Variants in CCDC6 observed in about 807,000 individuals in gnomAD.
CCDC6 encodes coiled-coil domain-containing protein 6.
Under a neutral mutation model 56.6 loss-of-function variants are expected in CCDC6, and 20 were observed. The observed-to-expected ratio is 0.35, with a 90% CI of 0.25 to 0.51. CCDC6 has a LOEUF of 0.51. Among genes scored for constraint, CCDC6 ranks in the 20% least tolerant of loss-of-function variants. The pLI is 0.95. For missense variants in CCDC6, 367 were observed against 601.1 expected, an observed-to-expected ratio of 0.61 and a Z score of 4.07; for synonymous variants, 241 against 234.4, an observed-to-expected ratio of 1.03 and a Z score of -0.26.
chr10:59,863,326 T>G (rs539126666), intron 1 of CCDC6, among the ~76,000 whole-genome samples: 1 of 152,352 alleles, frequency 6.6e-6, no homozygotes, highest in African/African-American at 2.4e-5. Context: ...TTGAATAAAA[T>G]ATTACATAAT....
chr10:59,885,435 C>A (rs2071374709), intron 1 of CCDC6, among the ~76,000 whole-genome samples: 1 of 152,140 alleles, frequency 6.6e-6, no homozygotes, highest in South Asian at 2.1e-4. Context: ...ATTTAAAAAC[C>A]TACTCCTAAT....
chr10:59,845,345 G>GT (rs1836105228), intron 2 of CCDC6, among the ~76,000 whole-genome samples: 1 of 125,376 alleles, frequency 8.0e-6, no homozygotes, highest in Non-Finnish European at 1.6e-5. Flanking sequence ...TGCCCCTATG[G>GT]GTTTTTTTTT....
intron 1 of CCDC6, among the ~76,000 whole-genome samples, chr10:59,879,680 C>A (rs1270208546): frequency 1.3e-5 from 2 of 152,152 alleles, no homozygotes; most frequent in African/African-American, 2.4e-5. Context: ...TACTGAGATA[C>A]CCAATCACAG....
At position 59,855,642 on chromosome 10, in the gene CCDC6, G is replaced by T. The variant is rs550677561; in HGVS notation, c.304-2940C>A. Among the ~76,000 whole-genome samples, 40 of 152,210 alleles carry T rather than the reference G, an allele frequency of 2.6e-4. No homozygotes were observed. In the South Asian group the frequency reaches 8.3e-3, roughly 32 times the overall value. On this transcript the variant is annotated intron_variant, in intron 1 of 8. Transcript: ENST00000263102. ...TGGGAATGACTGCTCATGGCTACAC[G>T]GATTCTTTTTGGGGTGATGAAAATG...
intron 3 of CCDC6, among the ~76,000 whole-genome samples, chr10:59,815,564 G>A (rs1183908185): frequency 6.6e-6 from 1 of 152,194 alleles, no homozygotes; most frequent in African/African-American, 2.4e-5. Flanking sequence ...TTGTGAAACA[G>A]TATGAAACAG....
In CCDC6 at chr10:59,845,346, G is replaced by GTTTTTTTT. The variant is rs151236986; in HGVS notation, c.453+7199_453+7206dup. Among the ~76,000 whole-genome samples the GTTTTTTTT allele has an allele frequency of 3.1e-5, 3 of 96,956 alleles. 1 individual carries two copies. Among genetic ancestry groups the GTTTTTTTT allele is most frequent in the East Asian group, 3.3e-4 (1 of 3,062 alleles). 63.6% of individuals were successfully genotyped at this position (96,956 alleles called of 152,430 possible). A position where few individuals can be genotyped will look rare whatever the true frequency, so the allele number is the denominator to read the frequency against. On this transcript the variant is annotated intron_variant, in intron 2 of 8. Transcript: ENST00000263102. ...TGAGCCCTTACTTTTGCCCCTATGG[G>GTTTTTTTT]TTTTTTTTTTTTTTTTTTTTTTTGG...
rs2070470987 is a variant in CCDC6, at chr10:59,791,896, C to CTTA, written c.*1018_*1020dup. 4.5e-6 allele frequency: 1 copy of CTTA among 219,792 alleles called. No homozygotes were observed. Among genetic ancestry groups the CTTA allele is most frequent in the Non-Finnish European group, 9.1e-6 (1 of 109,424 alleles). 13.6% of individuals were successfully genotyped at this position (219,792 alleles called of 1,614,324 possible). ...GCTAATGTGCTACTTTCCTTTAGAC[C>CTTA]TTATTTTCTTTTCTGCCAAGCAATA... On this transcript the variant is annotated 3_prime_UTR_variant, in exon 9 of 9. Coordinates refer to ENST00000263102, the MANE Select transcript of CCDC6 (RefSeq NM_005436.5).
intron 2 of CCDC6, among the ~76,000 whole-genome samples, chr10:59,839,073 G>T (rs2070913427): frequency 6.6e-6 from 1 of 152,122 alleles, no homozygotes; most frequent in Admixed American, 6.5e-5. Context: ...TTATATACAC[G>T]AACACACTTG....
At chr10:59,818,885 C>T (rs547590524) in intron 3 of CCDC6, among the ~76,000 whole-genome samples, 33 of 152,278 alleles carry the variant, frequency 2.2e-4, no homozygotes, top group Admixed American at 2.0e-3. Flanking sequence ...TTCAGCAAGC[C>T]GCTGTAATTG....
intron 2 of CCDC6, among the ~76,000 whole-genome samples, chr10:59,836,487 A>C (rs2070883933): frequency 6.6e-6 from 1 of 152,226 alleles, no homozygotes; most frequent in African/African-American, 2.4e-5. Flanking sequence ...GTACTGTTAC[A>C]TGAACAATTT....
intron 2 of CCDC6, among the ~76,000 whole-genome samples, chr10:59,850,492 C>T (rs1564748407): frequency 6.6e-6 from 1 of 152,148 alleles, no homozygotes; most frequent in Admixed American, 6.5e-5. Flanking sequence ...TAGAGAACCC[C>T]AATGTTTTCA....
intron 1 of CCDC6, among the ~76,000 whole-genome samples, chr10:59,890,780 G>A (rs1385527525): frequency 1.3e-5 from 2 of 151,432 alleles, no homozygotes; most frequent in East Asian, 3.9e-4. Context: ...TGTGCACAAC[G>A]TGCAGGTTTG....
chr10:59,871,317 A>G (rs1231113939), intron 1 of CCDC6, among the ~76,000 whole-genome samples: 1 of 152,088 alleles, frequency 6.6e-6, no homozygotes, highest in Non-Finnish European at 1.5e-5. Context: ...ACCGCCTTGT[A>G]TATACGAAGC....
At chr10:59,897,051 C>G (rs1167297808) in intron 1 of CCDC6, among the ~76,000 whole-genome samples, 4 of 152,096 alleles carry the variant, frequency 2.6e-5, no homozygotes, top group Admixed American at 2.6e-4. Context: ...TAAAACAGTA[C>G]TCTTTGGTTA....
chr10:59,835,696 T>G (rs1009060958), intron 2 of CCDC6, among the ~76,000 whole-genome samples: 3 of 152,224 alleles, frequency 2.0e-5, no homozygotes, highest in Non-Finnish European at 2.9e-5. Context: ...AAGCAGAGCA[T>G]GGAGTTCCTG....
At position 59,875,351 on chromosome 10, in the gene CCDC6, G is replaced by A. The variant is rs555581943; in HGVS notation, c.304-22649C>T. On this transcript the variant is annotated intron_variant, in intron 1 of 8. Coordinates refer to ENST00000263102, the MANE Select transcript of CCDC6 (RefSeq NM_005436.5). ...GTCTGGTAGAGATCTGCTCATCTAG[G>A]GTGGCTGTTACAGGGTACTCAGTGA... Among the ~76,000 whole-genome samples, 54 of 152,256 alleles carry A rather than the reference G, an allele frequency of 3.5e-4. No individual in the cohort carries two copies. The Middle Eastern group carries it at 0.01, about 29-fold the overall frequency.
chr10:59,836,052 T>TAA (rs59353306), intron 2 of CCDC6, among the ~76,000 whole-genome samples: 1,605 of 57,406 alleles, frequency 0.028, 48 homozygotes, highest in Non-Finnish European at 0.037. Context: ...CGACCCTGTC[T>TAA]AAAAAAAAAA....
chr10:59,807,145 G>C, intron 5 of CCDC6, 67 bp from the exon 6 acceptor site: 1 of 1,453,814 alleles, frequency 6.9e-7, no homozygotes, highest in South Asian at 1.2e-5. Context: ...AAAAAAAGGA[G>C]ACTTCAGTTC....
intron 1 of CCDC6, among the ~76,000 whole-genome samples, chr10:59,900,342 A>G (rs1204819686): frequency 1.3e-5 from 2 of 152,138 alleles, no homozygotes; most frequent in Non-Finnish European, 2.9e-5. Flanking sequence ...AGTACAGTCT[A>G]TTTCAACTGA....
Sources: allele counts gnomAD v4.1 joint callset (sites outside exome capture counted in the v4.1 genomes callset), GRCh38; gene constraint gnomAD v4.1.1; transcripts MANE v1.5; gene names NCBI Gene and HGNC (gene_info 2026-07-23, HGNC 2026-07-21).